The following FAHD1 variants were observed in gnomAD, a reference collection of about 807,000 sequenced individuals.
FAHD1 encodes the protein oxaloacetate tautomerase FAHD1, mitochondrial.
Under a neutral mutation model 12.7 loss-of-function variants are expected in FAHD1, and 14 were observed. That is an observed-to-expected ratio of 1.10 (90% CI 0.73 to 1.72). The LOEUF is 1.72. FAHD1 is among the 40% of genes most tolerant of loss of function. The pLI, the probability that FAHD1 is intolerant of heterozygous loss-of-function variation, is 0.00. For synonymous variants in FAHD1, 153 were observed against 124.9 expected (o/e 1.22, Z -1.50); for missense variants, 351 against 298.9 (o/e 1.17, Z -1.29).
chr16:1,827,769 A>G, exon 1 of FAHD1: 1 of 1,614,142 alleles, frequency 6.2e-7, no homozygotes, highest in Non-Finnish European at 8.5e-7. Flanking sequence ...CTAAGATCAT[A>G]ACCTTGGAAG....
At chr16:1,833,255 C>T (rs1898654979), downstream of FAHD1, among the ~76,000 whole-genome samples, 1 of 152,144 alleles carries the variant, frequency 6.6e-6, no homozygotes, top group African/African-American at 2.4e-5. Context: ...GTAGGTCCCC[C>T]TCAGAGTTCT....
At chr16:1,832,222 C>CTGTAG (rs57642641), downstream of FAHD1, among the ~76,000 whole-genome samples, 4 of 132,734 alleles carry the variant, frequency 3.0e-5, no homozygotes, top group South Asian at 9.8e-4. Context: ...GTTGCCCACG[C>CTGTAG]TGCAGTGGCA....
At chr16:1,839,529 CG>C in exon 3 of FAHD1, 9 of 1,220,760 alleles carry the variant, frequency 7.4e-6, no homozygotes, top group South Asian at 1.5e-5. Flanking sequence ...AAAAACTCTA[CG>C]ACAGTGTGTG....
At chr16:1,832,978 T>C (rs1179182320), downstream of FAHD1, among the ~76,000 whole-genome samples, 2 of 152,180 alleles carry the variant, frequency 1.3e-5, no homozygotes, top group Non-Finnish European at 2.9e-5. Context: ...GACGATGGTT[T>C]ATCTCCCAAC....
exon 1 of FAHD1, chr16:1,828,754 CT>C (rs1413089305): frequency 2.0e-6 from 2 of 984,748 alleles, no homozygotes; most frequent in African/African-American, 1.8e-5. Flanking sequence ...AAAAACACTC[CT>C]GTACATAATC....
At chr16:1,827,501 T>A in exon 1 of FAHD1, 1 of 1,612,948 alleles carries the variant, frequency 6.2e-7, no homozygotes, top group Non-Finnish European at 8.5e-7. Context: ...GCTGCGGCCA[T>A]GGACTACGTG....
exon 1 of FAHD1, chr16:1,828,457 C>T (rs11558503): frequency 2.0e-6 from 2 of 1,000,714 alleles, no homozygotes; most frequent in African/African-American, 1.7e-5. Flanking sequence ...AAAAGACTTT[C>T]CTTTTGTAAA....
chr16:1,830,826 C>T (rs960615582), downstream of FAHD1, among the ~76,000 whole-genome samples: 26 of 152,140 alleles, frequency 1.7e-4, no homozygotes, highest in Admixed American at 1.0e-3. Flanking sequence ...CAATTACCAG[C>T]ATTCACTATG....
chr16:1,838,075 C>A lies in FAHD1; in HGVS notation c.687C>A (p.Cys229Ter). 1.1e-6 allele frequency: 1 copy of A among 914,564 alleles called. No individual in the cohort carries two copies. The highest frequency in any genetic ancestry group is 1.8e-5 in the South Asian group (1 of 55,346). The allele number at this position is 914,564 out of a possible 1,614,324, so 56.7% of individuals were successfully genotyped here. Residue 229 changes from cysteine to a stop codon, truncating the protein, a stop_gained, in exon 2 of 3, where the codon TGC becomes TGA. Transcript: ENST00000382666. LOFTEE classifies it high-confidence loss of function. ...GCAGCAGTGCTATCACAGCTCACTG[C>A]AGCCTCGAACTCCCGGGGTCAAGCA...
chr16:1,830,700 C>T (rs1898603519), downstream of FAHD1, among the ~76,000 whole-genome samples: 1 of 152,142 alleles, frequency 6.6e-6, no homozygotes, highest in African/African-American at 2.4e-5. Flanking sequence ...TTGCTAAAAT[C>T]ATAGTAATCC....
exon 1 of FAHD1, chr16:1,827,236 A>C (rs1315961485): frequency 1.9e-6 from 3 of 1,600,914 alleles, no homozygotes; most frequent in Non-Finnish European, 2.6e-6. Context: ...CTTGATGGGA[A>C]TCATGGCAGC....
intron 1 of FAHD1, chr16:1,837,803 C>T (rs1898789672): frequency 6.5e-7 from 1 of 1,536,292 alleles, no homozygotes; most frequent in African/African-American, 1.4e-5. Flanking sequence ...AATTTTGCTT[C>T]TTTCCAAGAG....
downstream of FAHD1, among the ~76,000 whole-genome samples, chr16:1,832,318 C>A: frequency 6.7e-6 from 1 of 149,798 alleles, no homozygotes; most frequent in Non-Finnish European, 1.5e-5. Context: ...CTACAGGCGC[C>A]CTCCACCACA....
At chr16:1,833,913 A>G (rs1009513055), downstream of FAHD1, 7 of 170,434 alleles carry the variant, frequency 4.1e-5, no homozygotes, top group Non-Finnish European at 8.7e-5. Context: ...AAAATAAATC[A>G]TTCACTCAGG....
intron 1 of FAHD1, chr16:1,834,382 GA>G: frequency 1.5e-6 from 2 of 1,364,940 alleles, no homozygotes; most frequent in Non-Finnish European, 2.1e-6. Context: ...AGGAGAAACA[GA>G]AAAAGAGACA....
intron 1 of FAHD1, among the ~76,000 whole-genome samples, chr16:1,837,299 T>A (rs1898775284): frequency 6.6e-6 from 1 of 150,808 alleles, no homozygotes. Flanking sequence ...TTAATTGTGC[T>A]ATCTTACACT....
chr16:1,838,025 C>CGG lies in FAHD1; in HGVS notation c.637_638insGG (p.Leu213ArgfsTer104). The CGG allele has an allele frequency of 7.3e-7, 1 of 1,374,036 alleles. No homozygotes were observed. Among genetic ancestry groups the CGG allele is most frequent in the East Asian group, 2.5e-5 (1 of 39,674 alleles). The allele number at this position is 1,374,036 out of a possible 1,614,324, so 85.1% of individuals were successfully genotyped here. ...TTGTTTTTGTTTGTAGAGACAGGGT[C>CGG]TCACTCTGTCGCCCAAGCTGGAGTG... is the stretch of plus-strand genomic sequence containing the variant. On this transcript the variant is annotated frameshift_variant, in exon 2 of 3. Coordinates refer to the FAHD1 transcript ENST00000382666. LOFTEE classifies it high-confidence loss of function.
chr16:1,827,549 A>T, exon 1 of FAHD1: 1 of 1,613,296 alleles, frequency 6.2e-7, no homozygotes, highest in East Asian at 2.2e-5. Context: ...ACCGCCCGGG[A>T]CGTGCAGGAC....
At chr16:1,832,609 G>C (rs553386543), downstream of FAHD1, among the ~76,000 whole-genome samples, 12 of 152,178 alleles carry the variant, frequency 7.9e-5, no homozygotes, top group South Asian at 2.5e-3. Context: ...AAAATGCCAA[G>C]ATCACTGTCT....
Sources: allele counts gnomAD v4.1 joint callset (sites outside exome capture counted in the v4.1 genomes callset), GRCh38; gene constraint gnomAD v4.1.1; transcripts MANE v1.5; gene names NCBI Gene and HGNC (gene_info 2026-07-23, HGNC 2026-07-21).